ZFYVE9: variants seen among roughly 807,000 people sequenced by gnomAD.
ZFYVE9 encodes the protein zinc finger FYVE domain-containing protein 9.
ZFYVE9 carries 43 observed loss-of-function variants against 126.7 expected under a neutral mutation model. That is an observed-to-expected ratio of 0.34 (90% CI 0.27 to 0.44). The LOEUF is 0.44. ZFYVE9 is among the 20% of genes least tolerant of loss of function. The probability of loss-of-function intolerance (pLI) is 1.00; values close to 1 mark genes in which losing one functional copy is unlikely to be tolerated. For synonymous variants in ZFYVE9, 521 were observed against 597.4 expected (o/e 0.87, Z 1.87); for missense variants, 1,476 against 1,697.0 (o/e 0.87, Z 2.29).
Position 52,306,454 on chromosome 1 carries a change from C to T in ZFYVE9, c.3438+2529C>T, listed in dbSNP as rs76869602. ...CCAGGCCCTCCTCTATTACGTCACT[C>T]ATAAAGCTCCTCTTCACTTTGCTCA... On this transcript the variant is annotated intron_variant, in intron 13 of 18. Transcript: ENST00000287727. 6.8e-3 allele frequency among the ~76,000 whole-genome samples: 1,043 copies of T among 152,332 alleles called. 12 individuals carry two copies. Among genetic ancestry groups the T allele is most frequent in the African/African-American group, 0.024 (992 of 41,578 alleles).
intron 13 of ZFYVE9, among the ~76,000 whole-genome samples, chr1:52,306,365 C>T (rs949506449): frequency 5.9e-5 from 9 of 152,114 alleles, no homozygotes; most frequent in Admixed American, 4.6e-4. Context: ...ACTCCAGGGC[C>T]GCCTCTCTGC....
At chr1:52,239,951 C>T (rs1645317239) in intron 4 of ZFYVE9, among the ~76,000 whole-genome samples, 1 of 151,974 alleles carries the variant, frequency 6.6e-6, no homozygotes, top group Non-Finnish European at 1.5e-5. Flanking sequence ...TAACTTATTG[C>T]ATTATTTATT....
Position 52,215,881 on chromosome 1 carries a change from G to A in ZFYVE9, c.-142-488G>A, listed in dbSNP as rs544847003. Reference sequence around the variant, plus strand: ...GCAGTTGGAGGAGGACTGGAATCAAGAGACTCCATTTGGAGAAAAAAAACA... The same window carrying A: ...GCAGTTGGAGGAGGACTGGAATCAAAAGACTCCATTTGGAGAAAAAAAACA... On this transcript the variant is annotated intron_variant, in intron 1 of 18. Transcript: ENST00000287727. Among the ~76,000 whole-genome samples the A allele has an allele frequency of 2.6e-5, 4 of 152,210 alleles. No homozygotes were observed. In the East Asian group the frequency reaches 7.7e-4, roughly 29 times the overall value.
chr1:52,192,102 CTG>C (rs1644821380), intron 1 of ZFYVE9, among the ~76,000 whole-genome samples: 1 of 151,630 alleles, frequency 6.6e-6, no homozygotes, highest in Non-Finnish European at 1.5e-5. Flanking sequence ...ACATCAGACT[CTG>C]TGCAGAGCTA....
At chr1:52,202,772 G>A (rs940549814) in intron 1 of ZFYVE9, among the ~76,000 whole-genome samples, 3 of 151,364 alleles carry the variant, frequency 2.0e-5, no homozygotes, top group Non-Finnish European at 2.9e-5. Context: ...TGCAACCTCC[G>A]CCTCCCAGGT....
At position 52,337,827 on chromosome 1, in the gene ZFYVE9, G is replaced by A. The variant is rs371006505; in HGVS notation, c.3726G>A (p.Leu1242=). 3.6e-5 allele frequency: 58 copies of A among 1,614,144 alleles called. No homozygotes were observed. In the Middle Eastern group the frequency reaches 4.6e-3, roughly 128 times the overall value. Reference sequence around the variant, plus strand: ...ACATGGATTCCTTGAGGCAGGCACTGCGAGAGATGAAGGACTTCACCATCA... The same window carrying A: ...ACATGGATTCCTTGAGGCAGGCACTACGAGAGATGAAGGACTTCACCATCA... ...AENMDSLRQA[L]REMKDFTITC... Residue 1242 remains leucine, a synonymous_variant, in exon 16 of 19, where the codon CTG becomes CTA. Transcript: ENST00000287727.
At chr1:52,282,341 AAC>A (rs1177215022) in intron 10 of ZFYVE9, among the ~76,000 whole-genome samples, 1 of 152,236 alleles carries the variant, frequency 6.6e-6, no homozygotes, top group Non-Finnish European at 1.5e-5. Flanking sequence ...AGAGAAAAGA[AAC>A]ACATTATTTG....
chr1:52,335,896 G>A (rs1646383975), intron 15 of ZFYVE9, among the ~76,000 whole-genome samples: 1 of 152,170 alleles, frequency 6.6e-6, no homozygotes, highest in South Asian at 2.1e-4. Flanking sequence ...CACTTTGGGA[G>A]GCCGAGGGGG....
In ZFYVE9 at chr1:52,344,893, G is replaced by A; in HGVS notation, c.4065G>A (p.Lys1355=). 6.2e-7 allele frequency: 1 copy of A among 1,614,178 alleles called. No individual in the cohort carries two copies. Among genetic ancestry groups the A allele is most frequent in the Non-Finnish European group, 8.5e-7 (1 of 1,180,038 alleles). Residue 1355 remains lysine, a synonymous_variant, in exon 18 of 19, where the codon AAG becomes AAA. Coordinates refer to ENST00000287727, the MANE Select transcript of ZFYVE9 (RefSeq NM_004799.4). The part of the protein sequence containing the change: ...LALCPHLKLL[K]EDGMTKLGLR... ...TCTGTCCTCACCTGAAACTTCTGAA[G>A]GAAGATGGAATGACCAAACTGGGAC... is the stretch of plus-strand genomic sequence containing the variant.
intron 13 of ZFYVE9, among the ~76,000 whole-genome samples, chr1:52,311,725 T>C (rs1646138831): frequency 1.3e-5 from 2 of 152,218 alleles, no homozygotes; most frequent in Non-Finnish European, 2.9e-5. Flanking sequence ...ATAAATTGTA[T>C]GCTATTGTTG....
At position 52,237,814 on chromosome 1, in the gene ZFYVE9, G is replaced by A. The variant is rs1645287890; in HGVS notation, c.397G>A (p.Glu133Lys). 1 of 1,614,104 alleles carries A rather than the reference G, an allele frequency of 6.2e-7. No homozygotes were observed. Among genetic ancestry groups the A allele is most frequent in the Non-Finnish European group, 8.5e-7 (1 of 1,179,976 alleles). ...TCAATGCAGTGCTGTTGAAGTGGGA[G>A]AGAAGAAATGTGGAAACCTGGCTTG... The part of the protein sequence containing the change: ...DDQCSAVEVG[E>K]KKCGNLACLP... The change falls in exon 4 of 19, where the codon GAG (glutamate) becomes AAG (lysine). Residue 133 changes from glutamate to lysine, a missense_variant. Around this residue, in one of 2 missense-constraint regions of ZFYVE9, gnomAD observed 807 missense variants for 794.6 expected, o/e 1.02. Transcript: ENST00000287727.
intron 4 of ZFYVE9, chr1:52,252,817 C>A (rs561432261): frequency 2.5e-4 from 83 of 337,256 alleles, no homozygotes; most frequent in African/African-American, 1.5e-3. Flanking sequence ...TCATCCCAGC[C>A]CAGAGGTTGC....
intron 1 of ZFYVE9, among the ~76,000 whole-genome samples, chr1:52,183,858 C>CT (rs34718528): frequency 3.7e-5 from 5 of 134,440 alleles, no homozygotes; most frequent in Admixed American, 7.4e-5. Context: ...TTCTATCTTT[C>CT]TTTTTTTTTT....
chr1:52,199,920 C>T lies in ZFYVE9; in HGVS notation c.-142-16449C>T, dbSNP rs181373637. On this transcript the variant is annotated intron_variant, in intron 1 of 18. Transcript: ENST00000287727. Reference sequence around the variant, plus strand: ...TCATAGTTATTTTAATTTGTGTTTTCCTTATAACAAATAATGTGGAGTATC... The same window carrying T: ...TCATAGTTATTTTAATTTGTGTTTTTCTTATAACAAATAATGTGGAGTATC... Among the ~76,000 whole-genome samples the T allele has an allele frequency of 2.8e-3, 428 of 152,106 alleles. 2 individuals are homozygous for T. The highest frequency in any genetic ancestry group is 4.4e-3 in the Non-Finnish European group (302 of 67,992).
chr1:52,151,331 A>G (rs939091521), intron 1 of ZFYVE9, among the ~76,000 whole-genome samples: 2 of 152,096 alleles, frequency 1.3e-5, no homozygotes, highest in Non-Finnish European at 2.9e-5. Context: ...AGGTCATTAT[A>G]TTATTATGCA....
At chr1:52,222,033 G>T (rs575429543) in intron 2 of ZFYVE9, among the ~76,000 whole-genome samples, 5 of 152,122 alleles carry the variant, frequency 3.3e-5, no homozygotes, top group Non-Finnish European at 5.9e-5. Flanking sequence ...CCTATCTTTC[G>T]TTTGCCTTTA....
chr1:52,176,451 A>G (rs889293266), intron 1 of ZFYVE9, among the ~76,000 whole-genome samples: 1 of 152,224 alleles, frequency 6.6e-6, no homozygotes, highest in Non-Finnish European at 1.5e-5. Flanking sequence ...TCAAGGACCC[A>G]CTTGAGGAGG....
chr1:52,270,546 A>G (rs138386117), intron 7 of ZFYVE9, among the ~76,000 whole-genome samples: 2,389 of 152,196 alleles, frequency 0.016, 27 homozygotes, highest in Middle Eastern at 0.024. Flanking sequence ...TTACAGGCGT[A>G]AGCCACCGCG....
intron 1 of ZFYVE9, among the ~76,000 whole-genome samples, chr1:52,197,293 A>G (rs888991785): frequency 1.3e-4 from 20 of 152,176 alleles, no homozygotes; most frequent in South Asian, 4.1e-4. Flanking sequence ...GGTAGATGAT[A>G]TAGAGAATAG....
Sources: gnomAD v4.1 joint callset for allele counts (sites outside exome capture counted in the v4.1 genomes callset) on GRCh38, gnomAD v4.1.1 for gene constraint, gnomAD v4.1.1 regional missense constraint, MANE v1.5 for transcripts, NCBI Gene and HGNC (gene_info 2026-07-23, HGNC 2026-07-21) for gene names.